MYH11: variants seen among roughly 807,000 people sequenced by gnomAD.
The protein encoded by MYH11 is myosin-11.
MYH11 carries 80 observed loss-of-function variants against 246.6 expected under a neutral mutation model. That is an observed-to-expected ratio of 0.32 (90% confidence interval 0.27 to 0.39). The LOEUF (loss-of-function observed/expected upper bound fraction) is 0.39. MYH11 is among the 10% of genes least tolerant of loss of function. The probability of loss-of-function intolerance (pLI) is 1.00; values close to 1 mark genes in which losing one functional copy is unlikely to be tolerated. For synonymous variants in MYH11, 1,071 were observed against 1,015.5 expected (o/e 1.05, Z -1.04); for missense variants, 2,158 against 2,546.8 (o/e 0.85, Z 3.29).
intron 15 of MYH11, among the ~76,000 whole-genome samples, chr16:15,751,609 CT>C (rs34772774): frequency 0.017 from 2,022 of 116,344 alleles, 27 homozygotes; most frequent in East Asian, 0.13. Context: ...GTGTAACAAT[CT>C]TTTTTTTTTT....
intron 40 of MYH11, chr16:15,713,601 T>G (rs147007062): frequency 6.6e-6 from 1 of 152,236 alleles, no homozygotes; most frequent in Non-Finnish European, 1.5e-5. Flanking sequence ...GCTCCACTGA[T>G]CGTCCCACCT....
rs113462408 is a variant in MYH11, at chr16:15,721,191, A to G, written c.4579-140T>C. ...GGATGCATGGCCGGGACTCAAGATG[A>G]CCCCTGAGAGTTCAGACCCCAGCCT... On this transcript the variant is annotated intron_variant, in intron 32 of 40. Transcript: ENST00000300036. 2.5e-3 allele frequency: 2,570 copies of G among 1,026,844 alleles called. 52 individuals carry two copies. In the African/African-American group the frequency reaches 0.035, roughly 14 times the overall value. The allele number at this position is 1,026,844 out of a possible 1,614,324, so 63.6% of individuals were successfully genotyped here.
Position 15,798,613 on chromosome 16 carries a change from AAAAAAAAAAAC to A in MYH11, c.530+36_530+46del, listed in dbSNP as rs756048735. ...GTTGGATCTCGACTACAGATTAAAA[AAAAAAAAAAAC>A]AAAAAAAAAACAGAAGAAAAAGCAG... On this transcript the variant is annotated intron_variant, in intron 4 of 40. Coordinates refer to ENST00000300036, the MANE Select transcript of MYH11 (RefSeq NM_002474.3). 7.7e-4 allele frequency: 1,177 copies of A among 1,528,328 alleles called. 1 individual carries two copies. The South Asian group carries it at 8.5e-3, about 11-fold the overall frequency. 94.7% of individuals were successfully genotyped at this position (1,528,328 alleles called of 1,614,324 possible).
chr16:15,735,362 T>G lies in MYH11; in HGVS notation c.3506+4A>C. ...CAGGATGGTGGGATTGATGGGCCCCTCACCTGAGCTCCTGCTGAGTGGCTG... is the reference window on the plus strand; with the variant it reads ...CAGGATGGTGGGATTGATGGGCCCCGCACCTGAGCTCCTGCTGAGTGGCTG... On this transcript the variant is annotated splice_donor_region_variant and intron_variant, in intron 26 of 40. Transcript: ENST00000300036. The G allele has an allele frequency of 6.2e-7, 1 of 1,613,504 alleles. No homozygotes were observed. The highest frequency in any genetic ancestry group is 8.5e-7 in the Non-Finnish European group (1 of 1,179,946).
chr16:15,719,657 C>T lies in MYH11; in HGVS notation c.5010G>A (p.Glu1670=). 1 of 1,614,214 alleles carries T rather than the reference C, an allele frequency of 6.2e-7. No homozygotes were observed. The highest frequency in any genetic ancestry group is 8.5e-7 in the Non-Finnish European group (1 of 1,180,030). The change falls in exon 35 of 41, where the codon GAG becomes GAA. Residue 1670 remains glutamate (E), a synonymous_variant. Transcript: ENST00000300036. The part of the protein sequence containing the change: ...ELEDARASRD[E]IFATAKENEK... ...CATTCTCTTTGGCTGTGGCAAAGAT[C>T]TCATCTCTGGAGGCACGGGCATCTT...
In MYH11 at chr16:15,778,604, G is replaced by A. The variant is rs114185229; in HGVS notation, c.790+176C>T. Among the ~76,000 whole-genome samples, 444 of 152,102 alleles carry A rather than the reference G, an allele frequency of 2.9e-3. 7 individuals carry two copies. Among genetic ancestry groups the A allele is most frequent in the African/African-American group, 0.01 (423 of 41,496 alleles). ...TGTTTAGGGTTCAAACCAGGGGTCC[G>A]GTCCACACATGTATAACCACTGCAC... On this transcript the variant is annotated intron_variant, in intron 7 of 40. Coordinates refer to ENST00000300036, the MANE Select transcript of MYH11 (RefSeq NM_002474.3).
In MYH11 at chr16:15,703,912, G is replaced by C; in HGVS notation, c.*79C>G. Reference sequence around the variant, plus strand: ...AGTCTGCTGGGTTTTGCTTTGTTCTGGGTTGTTGTTGGGTTTTTTTTGTTT... The same window carrying C: ...AGTCTGCTGGGTTTTGCTTTGTTCTCGGTTGTTGTTGGGTTTTTTTTGTTT... On this transcript the variant is annotated 3_prime_UTR_variant, in exon 41 of 41. Transcript: ENST00000300036. 1 of 1,591,780 alleles carries C rather than the reference G, an allele frequency of 6.3e-7. No individual in the cohort carries two copies. Among genetic ancestry groups the C allele is most frequent in the South Asian group, 1.1e-5 (1 of 90,012 alleles).
chr16:15,756,303 C>A, intron 14 of MYH11, 38 bp downstream of exon 14: 1 of 1,609,490 alleles, frequency 6.2e-7, no homozygotes, highest in South Asian at 1.1e-5. Context: ...CACTGGGGGT[C>A]CCCTGAGACA....
intron 40 of MYH11, among the ~76,000 whole-genome samples, chr16:15,709,661 T>A (rs969217988): frequency 6.6e-6 from 1 of 152,152 alleles, no homozygotes; most frequent in African/African-American, 2.4e-5. Context: ...AGAGCTACTT[T>A]TAAGAACCTC....
Position 15,726,848 on chromosome 16 carries a change from C to G in MYH11, c.3858G>C (p.Gln1286His), listed in dbSNP as rs1330803046. Residue 1286 changes from glutamine (Q) to histidine (H), a missense_variant and splice_region_variant, in exon 28 of 41, where the codon CAG becomes CAC. Coordinates refer to ENST00000300036, the MANE Select transcript of MYH11 (RefSeq NM_002474.3). ...AELNDKVHKL[Q>H]NEVESVTGML... ...CCACACCACCGCGCCACCTCCTCAC[C>G]TGCAGCTTGTGGACTTTGTCATTGA... The G allele has an allele frequency of 6.2e-7, 1 of 1,611,890 alleles. No homozygotes were observed. Among genetic ancestry groups the G allele is most frequent in the Admixed American group, 1.7e-5 (1 of 60,014 alleles).
In MYH11 at chr16:15,771,715, A is replaced by G; in HGVS notation, c.890-3T>C. The stretch of plus-strand genomic sequence containing the variant: ...GAAGCCCTCCAAAAGCAAGTCACCT[A>G]GAAGGAGAGGAAGACAGGTCAGGGT... On this transcript the variant is annotated splice_region_variant and splice_polypyrimidine_tract_variant and intron_variant, in intron 8 of 40. Coordinates refer to ENST00000300036, the MANE Select transcript of MYH11 (RefSeq NM_002474.3). 1 of 1,614,198 alleles carries G rather than the reference A, an allele frequency of 6.2e-7. No homozygotes were observed. The highest frequency in any genetic ancestry group is 8.5e-7 in the Non-Finnish European group (1 of 1,180,026).
intron 5 of MYH11, 101 bp from the exon 6 acceptor site, chr16:15,782,578 G>T: frequency 4.6e-6 from 4 of 868,902 alleles, no homozygotes; most frequent in Non-Finnish European, 7.7e-6. Flanking sequence ...TAACCCACAG[G>T]TTCTCTCCTA....
At chr16:15,719,491 CGAAAT>C (rs899671125) in intron 35 of MYH11, 89 bp downstream of exon 35, 153 of 1,589,152 alleles carry the variant, frequency 9.6e-5, no homozygotes, top group Non-Finnish European at 1.2e-4. Context: ...CAGAGGAGGA[CGAAAT>C]GAAATCTGGG....
rs1478081136 is a variant in MYH11, at chr16:15,718,007, A to G, written c.5295+308T>C. The G allele has an allele frequency of 1.3e-5, 6 of 470,326 alleles. No individual in the cohort carries two copies. The East Asian group carries it at 2.5e-4, about 20-fold the overall frequency. The allele number at this position is 470,326 out of a possible 1,614,324, so 29.1% of individuals were successfully genotyped here. A position where few individuals can be genotyped will look rare whatever the true frequency, so the allele number is the denominator to read the frequency against. The stretch of plus-strand genomic sequence containing the variant: ...GCTCACTGGATAAGGTCAGAGCTTC[A>G]GCTAGGGGAAAACGCAATGAAAGAG... On this transcript the variant is annotated intron_variant, in intron 37 of 40. Transcript: ENST00000300036.
intron 3 of MYH11, among the ~76,000 whole-genome samples, chr16:15,807,120 C>G (rs1453039595): frequency 1.3e-5 from 2 of 152,098 alleles, no homozygotes; most frequent in African/African-American, 2.4e-5. Flanking sequence ...TGCCACTACG[C>G]CTGGCTAATG....
At chr16:15,726,753 G>C in intron 28 of MYH11, 95 bp downstream of exon 28, 1 of 1,437,936 alleles carries the variant, frequency 7.0e-7, no homozygotes, top group Non-Finnish European at 9.6e-7. Flanking sequence ...TTGCCTTGCA[G>C]CAAGAGAGAC....
At chr16:15,785,007 G>GTTTTTTTTTTTT (rs1567759451) in intron 5 of MYH11, 19 of 67,382 alleles carry the variant, frequency 2.8e-4, no homozygotes, top group Admixed American at 6.0e-4. Context: ...TAATTCTCTT[G>GTTTTTTTTTTTT]ATTTTTTTTT....
chr16:15,854,331 T>C (rs2044406340), intron 1 of MYH11, among the ~76,000 whole-genome samples: 1 of 152,222 alleles, frequency 6.6e-6, no homozygotes, highest in African/African-American at 2.4e-5. Context: ...GGCCAGGCAC[T>C]GTGCTAAACC....
At position 15,750,398 on chromosome 16, in the gene MYH11, GC is replaced by G; in HGVS notation, c.1865-68del. On this transcript the variant is annotated intron_variant, in intron 15 of 40. Coordinates refer to ENST00000300036, the MANE Select transcript of MYH11 (RefSeq NM_002474.3). The surrounding 1 kb of genome is among the most constrained non-coding windows in gnomAD (Gnocchi z 4.3). ...CACCCCTAAATAGGCCAGAGGCTCA[GC>G]CCCAGCCCCACCCACCAACCTGCCC... 1 of 1,476,240 alleles carries G rather than the reference GC, an allele frequency of 6.8e-7. No individual in the cohort carries two copies. The highest frequency in any genetic ancestry group is 9.2e-7 in the Non-Finnish European group (1 of 1,090,960). 91.4% of individuals were successfully genotyped at this position (1,476,240 alleles called of 1,614,324 possible).
Sources: allele counts gnomAD v4.1 joint callset (sites outside exome capture counted in the v4.1 genomes callset), GRCh38; gene constraint gnomAD v4.1.1; non-coding constraint Gnocchi (gnomAD v3.1); transcripts MANE v1.5; gene names NCBI Gene and HGNC (gene_info 2026-07-23, HGNC 2026-07-21).